Variants in TMEM245 observed in about 807,000 individuals in gnomAD.
TMEM245 encodes the protein transmembrane protein 245.
A neutral mutation model predicts 101.2 loss-of-function variants in TMEM245; 69 were observed. The observed-to-expected ratio is 0.68, with a 90% CI of 0.56 to 0.83. The LOEUF (loss-of-function observed/expected upper bound fraction) is 0.83. TMEM245 is among the 40% of genes least tolerant of loss of function. The probability of loss-of-function intolerance (pLI) is 0.00; values close to 1 mark genes in which losing one functional copy is unlikely to be tolerated. For missense variants in TMEM245, 1,075 were observed against 1,092.8 expected, an observed-to-expected ratio of 0.98 and a Z score of 0.23; for synonymous variants, 537 against 449.8, an observed-to-expected ratio of 1.19 and a Z score of -2.45.
intron 16 of TMEM245, among the ~76,000 whole-genome samples, chr9:109,035,659 G>T (rs1475310925): frequency 6.6e-6 from 1 of 152,072 alleles, no homozygotes; most frequent in Non-Finnish European, 1.5e-5. Context: ...TAAAATATTT[G>T]ATGTACATCT....
chr9:109,037,325 G>A (rs908306753), intron 15 of TMEM245, among the ~76,000 whole-genome samples: 3 of 152,204 alleles, frequency 2.0e-5, no homozygotes, highest in Admixed American at 6.5e-5. Flanking sequence ...GTTACTGAGA[G>A]CCAATTATGT....
chr9:109,093,691 G>A, intron 3 of TMEM245, 100 bp from the exon 4 acceptor site: 1 of 926,528 alleles, frequency 1.1e-6, no homozygotes, highest in Non-Finnish European at 1.8e-6. Flanking sequence ...AAAATAAAAT[G>A]GTTACTACTG....
chr9:109,115,522 CTTTTTTTTTTTTT>C (rs752894720), intron 1 of TMEM245, among the ~76,000 whole-genome samples: 2 of 67,194 alleles, frequency 3.0e-5, no homozygotes, highest in Admixed American at 2.0e-4. Flanking sequence ...TAACTGGAAT[CTTTTTTTTTTTTT>C]TTTTTTTTTT....
chr9:109,058,353 A>C (rs1025641486), intron 11 of TMEM245, among the ~76,000 whole-genome samples: 6 of 152,048 alleles, frequency 3.9e-5, no homozygotes, highest in African/African-American at 1.4e-4. Flanking sequence ...ATGAGGACAG[A>C]AGAATATAAC....
At chr9:109,085,296 A>G (rs1829798148) in intron 7 of TMEM245, among the ~76,000 whole-genome samples, 1 of 152,212 alleles carries the variant, frequency 6.6e-6, no homozygotes, top group Admixed American at 6.5e-5. Context: ...ATTAATTTAA[A>G]CATTACGATA....
rs371487901 is a variant in TMEM245, at chr9:109,033,347, G to C, written c.2554C>G (p.Pro852Ala). 3.1e-6 allele frequency: 5 copies of C among 1,613,506 alleles called. No homozygotes were observed. The South Asian group carries it at 3.3e-5, about 11-fold the overall frequency. Residue 852 changes from proline (P) to alanine (A), a missense_variant, in exon 17 of 18, where the codon CCC (proline) becomes GCC (alanine). This residue lies in a region of TMEM245 where 267 missense variants were observed against 351.3 expected (regional missense o/e 0.76). Transcript: ENST00000374586. The stretch of plus-strand genomic sequence containing the variant: ...GGCCATGGGGTCTGGTTTGGCGTGG[G>C]AACTGAATTCGTGGGACTCACTAGC... Reference protein sequence around the residue: ...AMLVSPTNSVPTPNQTPWPAQ... With the variant: ...AMLVSPTNSVATPNQTPWPAQ...
At chr9:109,112,562 C>T (rs1284947597) in intron 1 of TMEM245, among the ~76,000 whole-genome samples, 2 of 149,636 alleles carry the variant, frequency 1.3e-5, no homozygotes, top group African/African-American at 4.9e-5. Context: ...AAAAGAAAGA[C>T]GTATATCTCT....
intron 17 of TMEM245, among the ~76,000 whole-genome samples, chr9:109,029,149 A>T (rs1157331866): frequency 6.6e-6 from 1 of 152,242 alleles, no homozygotes; most frequent in Non-Finnish European, 1.5e-5. Context: ...AAAGTTGAAG[A>T]AATCACCCAG....
chr9:109,119,879 CTTGG>C lies in TMEM245; in HGVS notation c.31_34del (p.Pro11AlafsTer90). ...CGCCGGCCCGGGAGAGCTCCGCAGG[CTTGG>C]CGCGTCCTTAGGGCCGCCGCCGTCG... On this transcript the variant is annotated frameshift_variant, in exon 1 of 18. Coordinates refer to ENST00000374586, the MANE Select transcript of TMEM245 (RefSeq NM_032012.4). LOFTEE classifies it high-confidence loss of function. 7.7e-7 allele frequency: 1 copy of C among 1,302,832 alleles called. No individual in the cohort carries two copies. The highest frequency in any genetic ancestry group is 9.7e-7 in the Non-Finnish European group (1 of 1,034,134). The allele number at this position is 1,302,832 out of a possible 1,614,324, so 80.7% of individuals were successfully genotyped here. A position where few individuals can be genotyped will look rare whatever the true frequency, so the allele number is the denominator to read the frequency against.
intron 1 of TMEM245, among the ~76,000 whole-genome samples, chr9:109,115,409 C>T (rs186838201): frequency 5.6e-4 from 84 of 151,042 alleles, no homozygotes; most frequent in Middle Eastern, 3.4e-3. Flanking sequence ...ATTGATGGGA[C>T]CTGGAAAACT....
chr9:109,074,462 G>A (rs145639902), intron 8 of TMEM245, among the ~76,000 whole-genome samples: 4 of 152,094 alleles, frequency 2.6e-5, no homozygotes, highest in South Asian at 2.1e-4. Flanking sequence ...TACGATTCAC[G>A]AGTAACAGGG....
intron 17 of TMEM245, among the ~76,000 whole-genome samples, chr9:109,023,150 G>A (rs1025557787): frequency 6.6e-6 from 1 of 152,212 alleles, no homozygotes; most frequent in Non-Finnish European, 1.5e-5. Context: ...CAAGCTTAGA[G>A]ATCAGTTACT....
chr9:109,036,441 AGAATCTAAGCAGTAGCT>A, intron 15 of TMEM245, 61 bp from the exon 16 acceptor site: 1 of 1,459,400 alleles, frequency 6.9e-7, no homozygotes, highest in Non-Finnish European at 9.1e-7. Context: ...ACAAAGCAAA[AGAATCTAAGCAGTAGCT>A]CCTCCTCAAC....
chr9:109,090,797 C>A (rs1588067407), intron 5 of TMEM245, 125 bp downstream of exon 5: 5 of 784,404 alleles, frequency 6.4e-6, no homozygotes, highest in African/African-American at 3.5e-5. Context: ...TATTTAAATG[C>A]AAACATAAGA....
At chr9:109,075,133 C>T (rs936079029) in intron 8 of TMEM245, among the ~76,000 whole-genome samples, 4 of 152,160 alleles carry the variant, frequency 2.6e-5, no homozygotes, top group African/African-American at 9.7e-5. Context: ...AGGACAGTAG[C>T]GGTACTGAGA....
At chr9:109,106,018 T>C (rs149711830) in intron 3 of TMEM245, among the ~76,000 whole-genome samples, 1,745 of 152,244 alleles carry the variant, frequency 0.011, 14 homozygotes, top group South Asian at 0.031. Flanking sequence ...GTGATCCGCT[T>C]GCCTCAGCCT....
At position 109,115,103 on chromosome 9, in the gene TMEM245, T is replaced by C. The variant is rs759295699; in HGVS notation, c.579+4232A>G. Among the ~76,000 whole-genome samples the C allele has an allele frequency of 2.0e-5, 3 of 152,088 alleles. 1 individual carries two copies. The highest frequency in any genetic ancestry group is 4.8e-5 in the African/African-American group (2 of 41,424). On this transcript the variant is annotated intron_variant, in intron 1 of 17. Transcript: ENST00000374586. ...AGCTCATGCCTGTAATCCCAGCACT[T>C]TGGGAGGCCAAGGAAGGTGGATCAC...
In TMEM245 at chr9:109,019,936, G is replaced by C. The variant is rs556089513; in HGVS notation, c.*524C>G. The stretch of plus-strand genomic sequence containing the variant: ...TATGATTTATTATTTCTTAAAGAGC[G>C]TATAATACATTGTGGGAGAAGGGTA... On this transcript the variant is annotated 3_prime_UTR_variant, in exon 18 of 18. Coordinates refer to ENST00000374586, the MANE Select transcript of TMEM245 (RefSeq NM_032012.4). 1 of 152,736 alleles carries C rather than the reference G, an allele frequency of 6.5e-6. No homozygotes were observed. Among genetic ancestry groups the C allele is most frequent in the East Asian group, 1.9e-4 (1 of 5,216 alleles). 9.5% of individuals were successfully genotyped at this position (152,736 alleles called of 1,614,324 possible). A position where few individuals can be genotyped will look rare whatever the true frequency, so the allele number is the denominator to read the frequency against.
chr9:109,017,334 C>T lies in TMEM245; in HGVS notation c.*3126G>A, dbSNP rs1470566271. Reference sequence around the variant, plus strand: ...AAGGGAAAGCTCTGCCAGCTAAACACTTCTTATCAAAGAGGGTGTGAAGAA... The same window carrying T: ...AAGGGAAAGCTCTGCCAGCTAAACATTTCTTATCAAAGAGGGTGTGAAGAA... On this transcript the variant is annotated 3_prime_UTR_variant, in exon 18 of 18. Transcript: ENST00000374586. The T allele has an allele frequency of 6.6e-6, 1 of 152,240 alleles. No individual in the cohort carries two copies. Among genetic ancestry groups the T allele is most frequent in the Non-Finnish European group, 1.5e-5 (1 of 68,042 alleles). 9.4% of individuals were successfully genotyped at this position (152,240 alleles called of 1,614,324 possible). A position where few individuals can be genotyped will look rare whatever the true frequency, so the allele number is the denominator to read the frequency against.
Sources: gnomAD v4.1 joint callset for allele counts (sites outside exome capture counted in the v4.1 genomes callset) on GRCh38, gnomAD v4.1.1 for gene constraint, gnomAD v4.1.1 regional missense constraint, MANE v1.5 for transcripts, NCBI Gene and HGNC (gene_info 2026-07-23, HGNC 2026-07-21) for gene names.